The following STK3 variants were observed in gnomAD, a reference collection of about 807,000 sequenced individuals.
The protein encoded by STK3 is serine/threonine kinase 3.
Under a neutral mutation model 58.0 loss-of-function variants are expected in STK3, and 41 were observed. The observed-to-expected ratio is 0.71, with a 90% confidence interval of 0.55 to 0.92. The LOEUF is 0.92. STK3 is among the 40% of genes least tolerant of loss of function. The pLI, the probability that STK3 is intolerant of heterozygous loss-of-function variation, is 0.00. For missense variants in STK3, 479 were observed against 602.7 expected (o/e 0.79, Z 2.15); for synonymous variants, 170 against 191.0 (o/e 0.89, Z 0.91).
At chr8:98,592,489 T>C (rs1238591966) in intron 7 of STK3, among the ~76,000 whole-genome samples, 1 of 152,220 alleles carries the variant, frequency 6.6e-6, no homozygotes, top group African/African-American at 2.4e-5. Flanking sequence ...TTAACATTTT[T>C]GTCTTTCATT....
rs902048317 is a variant in STK3, at chr8:98,427,889, C to T, written n.483+6238G>A. 31 of 1,184,226 alleles carry T rather than the reference C, an allele frequency of 2.6e-5. 1 individual carries two copies. In the East Asian group the frequency reaches 7.5e-4, roughly 29 times the overall value. The allele number at this position is 1,184,226 out of a possible 1,614,324, so 73.4% of individuals were successfully genotyped here. ...CAGTAATGGGTAGGGAGAGGGGGCC[C>T]CGCCAGGGCGCACGGCGCTCTCGCC... On this transcript the variant is annotated intron_variant and non_coding_transcript_variant, in intron 3 of 3. Transcript: ENST00000517832.
chr8:98,840,626 T>TAC (rs1449382664), intron 3 of STK3, among the ~76,000 whole-genome samples: 190 of 133,364 alleles, frequency 1.4e-3, no homozygotes, highest in Non-Finnish European at 1.8e-3. Flanking sequence ...TATATATATA[T>TAC]ATACACACAC....
chr8:98,483,148 C>T (rs928197524), intron 10 of STK3, among the ~76,000 whole-genome samples: 54 of 152,258 alleles, frequency 3.5e-4, no homozygotes, highest in African/African-American at 1.3e-3. Flanking sequence ...CCACTAATTT[C>T]AGCTTGCTCA....
intron 6 of STK3, among the ~76,000 whole-genome samples, chr8:98,604,739 A>G (rs1450483431): frequency 1.3e-5 from 2 of 152,064 alleles, no homozygotes; most frequent in Non-Finnish European, 2.9e-5. Flanking sequence ...TTTCTACCAC[A>G]TGGCTGGGCT....
intron 1 of STK3, among the ~76,000 whole-genome samples, chr8:98,787,589 G>A (rs1256608313): frequency 6.6e-6 from 1 of 152,016 alleles, no homozygotes; most frequent in African/African-American, 2.4e-5. Context: ...AGAACACCTG[G>A]GGAATTCATC....
At chr8:98,349,333 G>A in the STK3 span, among the ~76,000 whole-genome samples, 6 of 152,232 alleles carry the variant, frequency 3.9e-5, no homozygotes, top group African/African-American at 1.2e-4. Context: ...AGGTAATGCC[G>A]ATGCAAGAGG....
chr8:98,733,246 T>G (rs1032924808), intron 4 of STK3, among the ~76,000 whole-genome samples: 6 of 152,208 alleles, frequency 3.9e-5, no homozygotes, highest in Non-Finnish European at 8.8e-5. Flanking sequence ...AAGCTTATAT[T>G]CAATAACTCC....
At chr8:98,737,383 C>A (rs1828688468) in intron 4 of STK3, among the ~76,000 whole-genome samples, 1 of 151,830 alleles carries the variant, frequency 6.6e-6, no homozygotes, top group African/African-American at 2.4e-5. Context: ...AGATAAAACT[C>A]CTAAAAAGAG....
chr8:98,457,951 T>C (rs1484817606), intron 10 of STK3, among the ~76,000 whole-genome samples: 4 of 152,186 alleles, frequency 2.6e-5, no homozygotes, highest in Non-Finnish European at 4.4e-5. Context: ...GATTTTTATA[T>C]TATCAATGCG....
intron 10 of STK3, among the ~76,000 whole-genome samples, chr8:98,491,812 A>G (rs760905495): frequency 1.1e-4 from 17 of 152,208 alleles, no homozygotes; most frequent in Non-Finnish European, 2.1e-4. Context: ...CTATACTTAT[A>G]ATAAAGTAAT....
chr8:98,585,640 T>C (rs1232273743), intron 7 of STK3, among the ~76,000 whole-genome samples: 1 of 151,056 alleles, frequency 6.6e-6, no homozygotes, highest in African/African-American at 2.4e-5. Flanking sequence ...AAGAAAGTCA[T>C]TGGTAGCTTG....
At chr8:98,932,384 T>G (rs1420218622) in intron 1 of STK3, among the ~76,000 whole-genome samples, 1 of 152,002 alleles carries the variant, frequency 6.6e-6, no homozygotes, top group Non-Finnish European at 1.5e-5. Flanking sequence ...TTGGAGGAGG[T>G]CTTTAAATAT....
chr8:98,546,374 C>G (rs1214518114), intron 9 of STK3, among the ~76,000 whole-genome samples: 1 of 152,026 alleles, frequency 6.6e-6, no homozygotes, highest in African/African-American at 2.4e-5. Flanking sequence ...TATAAAGACT[C>G]ATTTTTCTTA....
chr8:98,590,751 G>C (rs1169046170), intron 7 of STK3, among the ~76,000 whole-genome samples: 1 of 152,160 alleles, frequency 6.6e-6, no homozygotes, highest in Non-Finnish European at 1.5e-5. Flanking sequence ...ATCTCATGTA[G>C]AAAGCATGGA....
intron 3 of STK3, among the ~76,000 whole-genome samples, chr8:98,410,018 TTG>T (rs1436819729): frequency 2.0e-5 from 3 of 152,260 alleles, no homozygotes; most frequent in Admixed American, 6.5e-5. Flanking sequence ...TTCTCTGCAC[TTG>T]TGTTTCCTAA....
intron 10 of STK3, among the ~76,000 whole-genome samples, chr8:98,479,215 C>T (rs1014346080): frequency 2.0e-5 from 3 of 152,044 alleles, no homozygotes; most frequent in African/African-American, 4.8e-5. Context: ...CGGCCGGGTG[C>T]GGTGGCTCAC....
chr8:98,624,474 A>C (rs991298128), intron 6 of STK3, among the ~76,000 whole-genome samples: 3 of 152,210 alleles, frequency 2.0e-5, no homozygotes, highest in Non-Finnish European at 4.4e-5. Flanking sequence ...AATAGCTACT[A>C]TACTTATTAC....
intron 6 of STK3, among the ~76,000 whole-genome samples, chr8:98,664,624 T>C (rs566315300): frequency 3.3e-5 from 5 of 152,340 alleles, no homozygotes; most frequent in Non-Finnish European, 7.3e-5. Context: ...TTATAAGGTG[T>C]TCCCTTCAAG....
chr8:98,589,075 T>C (rs1814976636), intron 7 of STK3, among the ~76,000 whole-genome samples: 1 of 152,130 alleles, frequency 6.6e-6, no homozygotes, highest in Admixed American at 6.5e-5. Flanking sequence ...AATTTGATCG[T>C]CTGAAGCCTT....
Sources: allele counts gnomAD v4.1 joint callset (sites outside exome capture counted in the v4.1 genomes callset), GRCh38; gene constraint gnomAD v4.1.1; transcripts MANE v1.5; gene names NCBI Gene and HGNC (gene_info 2026-07-23, HGNC 2026-07-21).